TPTE: variants seen among roughly 807,000 people sequenced by gnomAD.
TPTE encodes the protein putative tyrosine-protein phosphatase TPTE.
Under a neutral mutation model 84.1 loss-of-function variants are expected in TPTE, and 59 were observed. The observed-to-expected ratio is 0.70, with a 90% CI of 0.57 to 0.87. The LOEUF is 0.87. Among genes scored for constraint, TPTE ranks in the 40% least tolerant of loss-of-function variants. The pLI, the probability that TPTE is intolerant of heterozygous loss-of-function variation, is 0.00. For missense variants in TPTE, 382 were observed against 659.6 expected (o/e 0.58, Z 4.61); for synonymous variants, 130 against 223.5 (o/e 0.58, Z 3.73).
At chr21:10,593,143 C>T (rs1385389561) in intron 19 of TPTE, among the ~76,000 whole-genome samples, 128 of 151,986 alleles carry the variant, frequency 8.4e-4, no homozygotes, top group African/African-American at 2.9e-3. Flanking sequence ...CCACTCCACT[C>T]ACACCCCCCA....
chr21:10,529,847 G>A (rs532088838), intron 3 of TPTE, among the ~76,000 whole-genome samples: 35 of 152,408 alleles, frequency 2.3e-4, no homozygotes, highest in Non-Finnish European at 4.7e-4. Flanking sequence ...AAACTTTCAT[G>A]CCCTAGTTTT....
Position 10,544,316 on chromosome 21 carries a change from CAATA to C in TPTE, c.173+942_173+945del, listed in dbSNP as rs1369793925. Among the ~76,000 whole-genome samples, 4 of 152,302 alleles carry C rather than the reference CAATA, an allele frequency of 2.6e-5. No individual in the cohort carries two copies. The East Asian group carries it at 5.8e-4, about 22-fold the overall frequency. ...TTGTATGTAGTATTGATTTTTAAGCCAATAAATAAATTTTTAAAAGAATTTATTT... is the reference window on the plus strand; with the variant it reads ...TTGTATGTAGTATTGATTTTTAAGCCAATAAATTTTTAAAAGAATTTATTT... On this transcript the variant is annotated intron_variant, in intron 7 of 23. Transcript: ENST00000618007.
chr21:10,575,459 G>T (rs1433497900), intron 14 of TPTE, among the ~76,000 whole-genome samples: 3 of 152,312 alleles, frequency 2.0e-5, no homozygotes, highest in African/African-American at 4.8e-5. Context: ...AATACAGGTG[G>T]TCTGGAGGAG....
At chr21:10,550,136 C>T (rs1453661449) in intron 7 of TPTE, among the ~76,000 whole-genome samples, 1 of 152,308 alleles carries the variant, frequency 6.6e-6, no homozygotes, top group African/African-American at 2.4e-5. Context: ...TTCATCACCA[C>T]TAGACCAACA....
At position 10,605,397 on chromosome 21, in the gene TPTE, T is replaced by C. The variant is rs1190954712; in HGVS notation, c.1521-20T>C. 3 of 1,612,116 alleles carry C rather than the reference T, an allele frequency of 1.9e-6. No homozygotes were observed. Among genetic ancestry groups the C allele is most frequent in the Non-Finnish European group, 2.5e-6 (3 of 1,179,062 alleles). ...CAGTGAGCCCCAATATAAAATGTAA[T>C]AATTTTTTTCTATTCTTAGGCTTTA... On this transcript the variant is annotated intron_variant, in intron 23 of 23. Transcript: ENST00000618007.
chr21:10,556,515 G>A (rs2074687412), intron 8 of TPTE, among the ~76,000 whole-genome samples: 1 of 152,310 alleles, frequency 6.6e-6, no homozygotes, highest in African/African-American at 2.4e-5. Flanking sequence ...GTGTGCATGT[G>A]TCTTTATAGC....
At chr21:10,552,825 T>TA (rs2074604143) in intron 8 of TPTE, 109 bp downstream of exon 8, 1 of 1,581,560 alleles carries the variant, frequency 6.3e-7, no homozygotes, top group South Asian at 1.1e-5. Context: ...TATGGAAAGA[T>TA]ATCAAAATGT....
At chr21:10,533,533 G>A (rs2145593691) in intron 3 of TPTE, among the ~76,000 whole-genome samples, 1 of 152,426 alleles carries the variant, frequency 6.6e-6, no homozygotes, top group Non-Finnish European at 1.5e-5. Flanking sequence ...TGGCTACTCT[G>A]GTCATTTGTA....
At chr21:10,575,337 G>T (rs1365943221) in intron 14 of TPTE, among the ~76,000 whole-genome samples, 2 of 152,304 alleles carry the variant, frequency 1.3e-5, no homozygotes, top group Non-Finnish European at 2.9e-5. Context: ...TCCAGCAGCG[G>T]TTCTATGGAC....
At chr21:10,580,218 AT>A (rs2075246811) in intron 17 of TPTE, among the ~76,000 whole-genome samples, 2 of 152,298 alleles carry the variant, frequency 1.3e-5, no homozygotes, top group Admixed American at 1.3e-4. Flanking sequence ...TTCTCTTGCT[AT>A]TGTGTTGTCT....
At chr21:10,527,212 A>G (rs1308114453) in intron 2 of TPTE, 143 bp from the exon 3 acceptor site, 7 of 152,794 alleles carry the variant, frequency 4.6e-5, no homozygotes, top group African/African-American at 1.4e-4. Flanking sequence ...CTAGTGCTGT[A>G]TCCTGAAATT....
At chr21:10,542,736 C>G (rs2145620902) in intron 6 of TPTE, among the ~76,000 whole-genome samples, 1 of 152,424 alleles carries the variant, frequency 6.6e-6, no homozygotes, top group East Asian at 1.9e-4. Context: ...GCCTGCATGG[C>G]CATAGAGATT....
intron 19 of TPTE, among the ~76,000 whole-genome samples, chr21:10,593,196 T>G (rs2075518834): frequency 6.6e-6 from 1 of 152,308 alleles, no homozygotes; most frequent in African/African-American, 2.4e-5. Flanking sequence ...TGAGTTATTG[T>G]AAAGGAAATT....
chr21:10,598,916 C>A (rs2075639795), intron 21 of TPTE, among the ~76,000 whole-genome samples: 1 of 152,426 alleles, frequency 6.6e-6, no homozygotes, highest in South Asian at 2.1e-4. Flanking sequence ...TCACCCAGGC[C>A]TGACCCTTGG....
intron 3 of TPTE, among the ~76,000 whole-genome samples, chr21:10,533,128 T>C (rs1202361077): frequency 6.6e-6 from 1 of 152,310 alleles, no homozygotes; most frequent in Admixed American, 6.5e-5. Flanking sequence ...CATTCTTCTT[T>C]AGTATGTTCT....
intron 10 of TPTE, among the ~76,000 whole-genome samples, chr21:10,565,317 A>G (rs148685401): frequency 4.6e-4 from 70 of 152,394 alleles, no homozygotes; most frequent in African/African-American, 1.6e-3. Flanking sequence ...TAAGATCTTT[A>G]TAATGAAAAT....
At chr21:10,588,114 G>T (rs547145026) in intron 17 of TPTE, among the ~76,000 whole-genome samples, 1 of 152,426 alleles carries the variant, frequency 6.6e-6, no homozygotes, top group East Asian at 1.9e-4. Context: ...CTCCCAAAGT[G>T]CTGGGATTAC....
intron 15 of TPTE, among the ~76,000 whole-genome samples, chr21:10,577,952 G>A (rs976932080): frequency 1.3e-5 from 2 of 152,308 alleles, no homozygotes; most frequent in African/African-American, 2.4e-5. Flanking sequence ...TTGTAACCCA[G>A]TTTAATACCC....
At chr21:10,529,888 G>T (rs1445984574) in intron 3 of TPTE, among the ~76,000 whole-genome samples, 2 of 152,300 alleles carry the variant, frequency 1.3e-5, no homozygotes, top group Non-Finnish European at 1.5e-5. Flanking sequence ...TGAATCAGTT[G>T]TAACTGTGAT....
Sources: gnomAD v4.1 joint callset for allele counts (sites outside exome capture counted in the v4.1 genomes callset) on GRCh38, gnomAD v4.1.1 for gene constraint, MANE v1.5 for transcripts, NCBI Gene and HGNC (gene_info 2026-07-23, HGNC 2026-07-21) for gene names.